Variants in HECTD2 observed in about 807,000 individuals in gnomAD.
The protein encoded by HECTD2 is HECT domain E3 ubiquitin protein ligase 2.
Under a neutral mutation model 103.2 loss-of-function variants are expected in HECTD2, and 35 were observed. The ratio of observed to expected loss-of-function variants is 0.34; its 90% CI spans 0.26 to 0.45. The LOEUF is 0.45. Ranked by LOEUF, HECTD2 falls within the 20% of genes least tolerant of loss-of-function variation. HECTD2 has a pLI of 1.00. For missense variants in HECTD2, 596 were observed against 937.4 expected, an observed-to-expected ratio of 0.64 and a Z score of 4.76; for synonymous variants, 281 against 329.9, an observed-to-expected ratio of 0.85 and a Z score of 1.61.
intron 1 of HECTD2, among the ~76,000 whole-genome samples, chr10:91,420,778 G>T (rs368763364): frequency 3.9e-5 from 6 of 151,966 alleles, no homozygotes; most frequent in African/African-American, 1.5e-4. Context: ...CTAAAATCTG[G>T]AAAGACTTCT....
rs183804584 is a variant in HECTD2 at position 91,414,019 on chromosome 10, A to G, written c.138+3443A>G. ...AATATTATAAATTAGTTACTGATGT[A>G]TTACACATGTTTAAAAAAGTGGTGA... is the stretch of plus-strand genomic sequence containing the variant. On this transcript the variant is annotated intron_variant, in intron 1 of 20. Coordinates refer to ENST00000298068, the MANE Select transcript of HECTD2 (RefSeq NM_182765.6). Among the ~76,000 whole-genome samples the G allele has an allele frequency of 2.1e-3, 315 of 152,342 alleles. 1 individual carries two copies. Among genetic ancestry groups the G allele is most frequent in the African/African-American group, 7.3e-3 (303 of 41,568 alleles).
In HECTD2 at chr10:91,430,653, T is replaced by C. The variant is rs548108713; in HGVS notation, c.268+5243T>C. ...ATGTAATGGCCTTCTTTGTCTCTTT[T>C]GATCTTTTTTGGTTTAAAGTCTGTT... On this transcript the variant is annotated intron_variant, in intron 2 of 20. Coordinates refer to ENST00000298068, the MANE Select transcript of HECTD2 (RefSeq NM_182765.6). 6.6e-5 allele frequency among the ~76,000 whole-genome samples: 10 copies of C among 152,322 alleles called. 1 individual carries two copies. Among genetic ancestry groups the C allele is most frequent in the East Asian group, 1.9e-4 (1 of 5,188 alleles).
At chr10:91,468,530 C>T (rs1032727392) in intron 5 of HECTD2, among the ~76,000 whole-genome samples, 3 of 152,150 alleles carry the variant, frequency 2.0e-5, no homozygotes, top group East Asian at 1.9e-4. Flanking sequence ...CAAATGACCA[C>T]ACTAGTTCCC....
intron 1 of HECTD2, among the ~76,000 whole-genome samples, chr10:91,415,272 T>C (rs191946004): frequency 3.6e-4 from 54 of 151,864 alleles, no homozygotes; most frequent in Non-Finnish European, 7.2e-4. Context: ...TGGAACAATC[T>C]TGTATGAAAA....
At chr10:91,439,020 G>A (rs1186534804) in intron 2 of HECTD2, among the ~76,000 whole-genome samples, 1 of 152,144 alleles carries the variant, frequency 6.6e-6, no homozygotes, top group Non-Finnish European at 1.5e-5. Context: ...TCTCCATTCT[G>A]TAGGTTGCCT....
At chr10:91,453,066 T>C (rs1844905876) in intron 2 of HECTD2, among the ~76,000 whole-genome samples, 1 of 152,166 alleles carries the variant, frequency 6.6e-6, no homozygotes, top group Non-Finnish European at 1.5e-5. Context: ...TTATGTTTTC[T>C]AAATTATATT....
intron 1 of HECTD2, among the ~76,000 whole-genome samples, chr10:91,418,189 A>G (rs919162026): frequency 6.6e-6 from 1 of 152,222 alleles, no homozygotes; most frequent in Non-Finnish European, 1.5e-5. Context: ...TTTTTGTTAA[A>G]AAAAAAGAAC....
At position 91,410,545 on chromosome 10, in the gene HECTD2, C is replaced by G; in HGVS notation, c.107C>G (p.Pro36Arg). The G allele has an allele frequency of 1.4e-6, 2 of 1,463,330 alleles. No homozygotes were observed. Among genetic ancestry groups the G allele is most frequent in the Non-Finnish European group, 1.8e-6 (2 of 1,109,086 alleles). 90.6% of individuals were successfully genotyped at this position (1,463,330 alleles called of 1,614,324 possible). Reference protein sequence around the residue: ...GKESEREKLPPIVSAGAGATA... With the variant: ...GKESEREKLPRIVSAGAGATA... ...GAGTCAGAGCGCGAGAAGCTGCCGC[C>G]CATCGTATCGGCGGGCGCCGGCGCG... is the stretch of plus-strand genomic sequence containing the variant. The change falls in exon 1 of 21, where the codon CCC becomes CGC. Residue 36 changes from proline (P) to arginine (R), a missense_variant. By Grantham distance (103) the Pro-to-Arg change is moderately radical. Coordinates refer to ENST00000298068, the MANE Select transcript of HECTD2 (RefSeq NM_182765.6).
At chr10:91,489,679 A>G (rs1377889357) in intron 11 of HECTD2, 1 of 152,232 alleles carries the variant, frequency 6.6e-6, no homozygotes, top group Admixed American at 6.5e-5. Flanking sequence ...AACACAGGAC[A>G]CTATGCTAGG....
intron 14 of HECTD2, among the ~76,000 whole-genome samples, chr10:91,495,073 T>C (rs1846617286): frequency 6.6e-6 from 1 of 152,018 alleles, no homozygotes; most frequent in South Asian, 2.1e-4. Flanking sequence ...AAATTATAAT[T>C]GCTACTCTCA....
At chr10:91,509,637 GA>G (rs1847344254) in intron 20 of HECTD2, among the ~76,000 whole-genome samples, 1 of 152,162 alleles carries the variant, frequency 6.6e-6, no homozygotes, top group Non-Finnish European at 1.5e-5. Flanking sequence ...CAACATGGAT[GA>G]AGCTAGAGGC....
chr10:91,455,447 A>C (rs1298245905), intron 2 of HECTD2, among the ~76,000 whole-genome samples: 3 of 151,776 alleles, frequency 2.0e-5, no homozygotes, highest in Non-Finnish European at 2.9e-5. Flanking sequence ...AATGTGTTTG[A>C]GTTCTTTGTA....
chr10:91,421,034 C>A (rs1843337586), intron 1 of HECTD2, among the ~76,000 whole-genome samples: 1 of 151,908 alleles, frequency 6.6e-6, no homozygotes, highest in Non-Finnish European at 1.5e-5. Flanking sequence ...TTGCATTCTT[C>A]CCCCCCTCAG....
At chr10:91,429,067 A>G (rs1843714202) in intron 2 of HECTD2, among the ~76,000 whole-genome samples, 2 of 152,064 alleles carry the variant, frequency 1.3e-5, no homozygotes, top group African/African-American at 2.4e-5. Flanking sequence ...TACCTAATTT[A>G]TTGAGAGTTT....
intron 2 of HECTD2, among the ~76,000 whole-genome samples, chr10:91,431,697 C>T (rs1329477102): frequency 2.0e-5 from 3 of 152,090 alleles, no homozygotes; most frequent in East Asian, 1.9e-4. Context: ...CTGCATTCTT[C>T]ACGTGGTTCT....
intron 1 of HECTD2, among the ~76,000 whole-genome samples, chr10:91,418,193 A>G (rs1211312827): frequency 6.6e-6 from 1 of 152,240 alleles, no homozygotes; most frequent in Non-Finnish European, 1.5e-5. Context: ...TGTTAAAAAA[A>G]AAGAACAAGA....
rs190645823 is a variant in HECTD2 at position 91,420,543 on chromosome 10, G to A, written c.139-4738G>A. On this transcript the variant is annotated intron_variant, in intron 1 of 20. Coordinates refer to ENST00000298068, the MANE Select transcript of HECTD2 (RefSeq NM_182765.6). The stretch of plus-strand genomic sequence containing the variant: ...GCAGAGGTTGCAGTGAGCCGAGATC[G>A]TGCCACTGCACTCCAGCCTGGGCGA... Among the ~76,000 whole-genome samples the A allele has an allele frequency of 6.3e-4, 96 of 151,286 alleles. 1 individual carries two copies. The highest frequency in any genetic ancestry group is 1.6e-3 in the African/African-American group (68 of 41,234).
intron 20 of HECTD2, among the ~76,000 whole-genome samples, chr10:91,506,228 GCAAA>G (rs2133373744): frequency 6.7e-6 from 1 of 150,202 alleles, no homozygotes; most frequent in East Asian, 2.0e-4. Context: ...AAAAGCAAGA[GCAAA>G]CACATTCAAA....
At chr10:91,431,414 T>A (rs189575271) in intron 2 of HECTD2, among the ~76,000 whole-genome samples, 2 of 152,252 alleles carry the variant, frequency 1.3e-5, no homozygotes, top group East Asian at 1.9e-4. Context: ...TTCCTGAATC[T>A]GAATGTTGGC....
Sources: gnomAD v4.1 joint callset for allele counts (sites outside exome capture counted in the v4.1 genomes callset) on GRCh38, gnomAD v4.1.1 for gene constraint, MANE v1.5 for transcripts, NCBI Gene and HGNC (gene_info 2026-07-23, HGNC 2026-07-21) for gene names.